DUS4L: variants seen among roughly 807,000 people sequenced by gnomAD.
The protein encoded by DUS4L is dihydrouridine synthase 4 like.
In DUS4L, 31 loss-of-function variants were observed where a neutral mutation model predicts 33.8. The ratio of observed to expected loss-of-function variants is 0.92; its 90% CI spans 0.69 to 1.24. DUS4L has a LOEUF of 1.24. Among genes scored for constraint, DUS4L ranks in the 50% most tolerant of loss-of-function variants. The pLI, the probability that DUS4L is intolerant of heterozygous loss-of-function variation, is 0.00. For synonymous variants in DUS4L, 103 were observed against 120.3 expected (o/e 0.86, Z 0.94); for missense variants, 368 against 388.6 (o/e 0.95, Z 0.45).
chr7:107,567,795 C>T, intron 3 of DUS4L: 1 of 451,482 alleles, frequency 2.2e-6, no homozygotes, highest in Non-Finnish European at 4.4e-6. Flanking sequence ...ACTCCCCATT[C>T]CACTGTTCCT....
chr7:107,576,797 C>A, intron 7 of DUS4L: 1 of 507,714 alleles, frequency 2.0e-6, no homozygotes. Context: ...TAAATTAATT[C>A]AGTTACTTTT....
At chr7:107,574,620 G>A (rs1447456546) in intron 5 of DUS4L, among the ~76,000 whole-genome samples, 1 of 152,204 alleles carries the variant, frequency 6.6e-6, no homozygotes, top group African/African-American at 2.4e-5. Flanking sequence ...TTACAGGCCT[G>A]AGCCACCGCG....
chr7:107,575,027 A>T, intron 5 of DUS4L, 161 bp from the exon 6 acceptor site: 1 of 876,488 alleles, frequency 1.1e-6, no homozygotes, highest in Non-Finnish European at 1.8e-6. Context: ...TCCTAATCTC[A>T]TATTGATCCA....
chr7:107,577,272 T>C (rs1408852709), intron 7 of DUS4L, 41 bp from the exon 8 acceptor site: 1 of 1,603,412 alleles, frequency 6.2e-7, no homozygotes, highest in Non-Finnish European at 8.5e-7. Flanking sequence ...TAACCAGGGG[T>C]TCTTAATGTA....
At chr7:107,576,856 A>C in intron 7 of DUS4L, 1 of 362,194 alleles carries the variant, frequency 2.8e-6, no homozygotes, top group South Asian at 5.5e-5. Flanking sequence ...CAGATAGCCT[A>C]CTAGTAAAAT....
intron 7 of DUS4L, 87 bp from the exon 8 acceptor site, chr7:107,577,226 A>G (rs910791430): frequency 1.3e-6 from 2 of 1,531,246 alleles, no homozygotes; most frequent in African/African-American, 2.8e-5. Flanking sequence ...AATACTTTTT[A>G]AAAATATACT....
chr7:107,567,091 A>G lies in DUS4L; in HGVS notation c.21A>G (p.Gln7=). 1 of 1,613,510 alleles carries G rather than the reference A, an allele frequency of 6.2e-7. No individual in the cohort carries two copies. The highest frequency in any genetic ancestry group is 1.1e-5 in the South Asian group (1 of 91,026). MKSDCM[Q]TTICQERKKD... ...TATTAATGAAGAGTGACTGCATGCA[A>G]ACGACAATATGTCAGGAAAGAAAAA... The change falls in exon 3 of 8, where the codon CAA becomes CAG. Residue 7 remains glutamine (Q), a synonymous_variant. Coordinates refer to ENST00000265720, the MANE Select transcript of DUS4L (RefSeq NM_181581.3).
At chr7:107,567,578 T>C (rs1003823554) in intron 3 of DUS4L, among the ~76,000 whole-genome samples, 5 of 152,194 alleles carry the variant, frequency 3.3e-5, no homozygotes, top group African/African-American at 1.2e-4. Context: ...TTCGTATCTT[T>C]TGCTCATCTT....
At position 107,567,276 on chromosome 7, in the gene DUS4L, TG is replaced by T. The variant is rs1256830267; in HGVS notation, c.116+93del. 24 of 1,040,170 alleles carry T rather than the reference TG, an allele frequency of 2.3e-5. No individual in the cohort carries two copies. The South Asian group carries it at 2.5e-4, about 11-fold the overall frequency. 64.4% of individuals were successfully genotyped at this position (1,040,170 alleles called of 1,614,324 possible). A position where few individuals can be genotyped will look rare whatever the true frequency, so the allele number is the denominator to read the frequency against. On this transcript the variant is annotated intron_variant, in intron 3 of 7. Transcript: ENST00000265720. ...AAGTACTGTAAGACCACCCACCATA[TG>T]GGAACTTCAAACTCTTAGCTTTGGA...
rs1467852706 is a variant in DUS4L at position 107,578,393 on chromosome 7, G to A, written c.*833G>A. 6.6e-6 allele frequency: 1 copy of A among 152,160 alleles called. No homozygotes were observed. Among genetic ancestry groups the A allele is most frequent in the Admixed American group, 6.5e-5 (1 of 15,294 alleles). 9.4% of individuals were successfully genotyped at this position (152,160 alleles called of 1,614,324 possible). A position where few individuals can be genotyped will look rare whatever the true frequency, so the allele number is the denominator to read the frequency against. ...TGCACTGCAAGAATTAAGTATCTCA[G>A]ACTGAAATAAAACCGTTCATAATTA... On this transcript the variant is annotated 3_prime_UTR_variant, in exon 8 of 8. Coordinates refer to ENST00000265720, the MANE Select transcript of DUS4L (RefSeq NM_181581.3).
intron 5 of DUS4L, chr7:107,574,027 A>G (rs1805505422): frequency 4.1e-6 from 3 of 724,624 alleles, no homozygotes; most frequent in Non-Finnish European, 5.7e-6. Flanking sequence ...GAAATGATGT[A>G]TAGACCTTTG....
chr7:107,577,327 A>C lies in DUS4L; in HGVS notation c.721A>C (p.Arg241=), dbSNP rs369335142. ...TTAATTTGTAGGTGTGATGGTTGCA[A>C]GAGGACTCTTAGCAAACCCGGCCAT... ...ITGTDGVMVA[R]GLLANPAMFA... Residue 241 remains arginine, a synonymous_variant, in exon 8 of 8, where the codon AGA becomes CGA. Coordinates refer to ENST00000265720, the MANE Select transcript of DUS4L (RefSeq NM_181581.3). 1.2e-6 allele frequency: 2 copies of C among 1,614,114 alleles called. No individual in the cohort carries two copies. Among genetic ancestry groups the C allele is most frequent in the Non-Finnish European group, 1.7e-6 (2 of 1,180,008 alleles).
chr7:107,569,198 C>T (rs1804976579), intron 3 of DUS4L, among the ~76,000 whole-genome samples: 1 of 152,124 alleles, frequency 6.6e-6, no homozygotes, highest in African/African-American at 2.4e-5. Flanking sequence ...AGTAAAACTC[C>T]GTCTCAAAAA....
intron 3 of DUS4L, chr7:107,570,219 T>C (rs1180737798): frequency 6.6e-6 from 1 of 152,142 alleles, no homozygotes; most frequent in Non-Finnish European, 1.5e-5. Context: ...TTAACCGGCT[T>C]TTTCTGACAA....
rs1585001670 is a variant in DUS4L at position 107,576,295 on chromosome 7, A to G, written c.480-71A>G. 1.8e-5 allele frequency: 26 copies of G among 1,413,436 alleles called. No homozygotes were observed. The East Asian group carries it at 6.0e-4, about 32-fold the overall frequency. The allele number at this position is 1,413,436 out of a possible 1,614,324, so 87.6% of individuals were successfully genotyped here. On this transcript the variant is annotated intron_variant, in intron 6 of 7. Coordinates refer to ENST00000265720, the MANE Select transcript of DUS4L (RefSeq NM_181581.3). ...TAACTAATTTGGTAGATGAAATACCATTTTAGTCAGTTAATGTTAGCATTA... is the reference window on the plus strand; with the variant it reads ...TAACTAATTTGGTAGATGAAATACCGTTTTAGTCAGTTAATGTTAGCATTA...
intron 1 of DUS4L, 26 bp downstream of exon 1, chr7:107,564,235 G>A (rs1438943335): frequency 1.0e-5 from 6 of 580,176 alleles, no homozygotes; most frequent in East Asian, 2.9e-5. Context: ...TGGCCGCAGC[G>A]CTTATCTGTG....
intron 4 of DUS4L, 53 bp from the exon 5 acceptor site, chr7:107,573,651 G>A: frequency 6.4e-7 from 1 of 1,567,156 alleles, no homozygotes; most frequent in Non-Finnish European, 8.7e-7. Context: ...TGGTGTGTGT[G>A]TGCATGGGGT....
rs775686327 is a variant in DUS4L, at chr7:107,571,197, C to G, written c.169C>G (p.Pro57Ala). 4 of 1,611,488 alleles carry G rather than the reference C, an allele frequency of 2.5e-6. No homozygotes were observed. In the South Asian group the frequency reaches 3.3e-5, roughly 13 times the overall value. Residue 57 changes from proline to alanine, a missense_variant, in exon 4 of 8, where the codon CCA becomes GCA. Physicochemically the swap from Pro to Ala is conservative, Grantham distance 27. Coordinates refer to ENST00000265720, the MANE Select transcript of DUS4L (RefSeq NM_181581.3). ...ATATAGTTGTGATCTGTGTTACACA[C>G]CAATGATTGTTGCCGCTGATTTTGT... is the stretch of plus-strand genomic sequence containing the variant. ...RKYSCDLCYT[P>A]MIVAADFVKS...
chr7:107,574,585 G>A (rs528769989), intron 5 of DUS4L, among the ~76,000 whole-genome samples: 25 of 152,182 alleles, frequency 1.6e-4, no homozygotes, highest in South Asian at 8.3e-4. Flanking sequence ...TGATCCGCCC[G>A]CCTTGGCCTC....
Sources: allele counts gnomAD v4.1 joint callset (sites outside exome capture counted in the v4.1 genomes callset), GRCh38; gene constraint gnomAD v4.1.1; transcripts MANE v1.5; gene names NCBI Gene and HGNC (gene_info 2026-07-23, HGNC 2026-07-21).